Variants in MACROD2 observed in about 807,000 individuals in gnomAD.
MACROD2 encodes mono-ADP ribosylhydrolase 2.
Under a neutral mutation model 70.4 loss-of-function variants are expected in MACROD2, and 36 were observed. The ratio of observed to expected loss-of-function variants is 0.51; its 90% CI spans 0.39 to 0.68. The LOEUF is 0.68. Among genes scored for constraint, MACROD2 ranks in the 30% least tolerant of loss-of-function variants. The pLI is 0.00. For missense variants in MACROD2, 496 were observed against 538.4 expected, an observed-to-expected ratio of 0.92 and a Z score of 0.78; for synonymous variants, 172 against 178.8, an observed-to-expected ratio of 0.96 and a Z score of 0.30.
At chr20:14,910,052 A>G (rs1177996927) in intron 5 of MACROD2, among the ~76,000 whole-genome samples, 1 of 152,180 alleles carries the variant, frequency 6.6e-6, no homozygotes, top group Admixed American at 6.5e-5. Context: ...AGTCTCACTG[A>G]TCTCTTTTCT....
chr20:14,391,474 C>A (rs34021592), intron 3 of MACROD2, among the ~76,000 whole-genome samples: 32,621 of 151,732 alleles, frequency 0.21, 3,829 homozygotes, highest in African/African-American at 0.25. Flanking sequence ...TAATCAGAAG[C>A]TGGAAGGTAA....
intron 4 of MACROD2, among the ~76,000 whole-genome samples, chr20:14,604,585 G>T (rs910016755): frequency 2.6e-5 from 4 of 152,156 alleles, no homozygotes; most frequent in African/African-American, 9.7e-5. Flanking sequence ...AAAAACATCC[G>T]TGTGTCTAAA....
chr20:15,259,182 T>TAGCAAC (rs1555798165), intron 6 of MACROD2, among the ~76,000 whole-genome samples: 1 of 151,280 alleles, frequency 6.6e-6, no homozygotes. Context: ...GGTAATTTTT[T>TAGCAAC]AACAACAACA....
intron 10 of MACROD2, among the ~76,000 whole-genome samples, chr20:15,908,529 G>A (rs973839136): frequency 6.6e-6 from 1 of 152,102 alleles, no homozygotes; most frequent in Non-Finnish European, 1.5e-5. Flanking sequence ...GCTTCCTGCT[G>A]GGACCATGAC....
intron 3 of MACROD2, among the ~76,000 whole-genome samples, chr20:14,221,009 G>C (rs1339707149): frequency 6.6e-6 from 1 of 152,160 alleles, no homozygotes; most frequent in Non-Finnish European, 1.5e-5. Flanking sequence ...TCTGTCCAGA[G>C]CTGCAATCTA....
chr20:14,572,819 A>G (rs1053827789), intron 4 of MACROD2, among the ~76,000 whole-genome samples: 2 of 151,628 alleles, frequency 1.3e-5, no homozygotes, highest in Non-Finnish European at 2.9e-5. Flanking sequence ...TGTACTTATG[A>G]TCAGTGCTAA....
At chr20:14,662,884 A>G (rs1314131197) in intron 4 of MACROD2, among the ~76,000 whole-genome samples, 2 of 151,986 alleles carry the variant, frequency 1.3e-5, no homozygotes, top group Admixed American at 6.6e-5. Context: ...GAGAGTGTAG[A>G]TAGTGTAGAT....
intron 5 of MACROD2, among the ~76,000 whole-genome samples, chr20:15,048,846 A>G (rs191830943): frequency 1.3e-5 from 2 of 152,284 alleles, no homozygotes; most frequent in Admixed American, 6.5e-5. Flanking sequence ...AAAATTTCTT[A>G]TGAATAATCA....
rs78392108 is a variant in MACROD2 at position 15,405,147 on chromosome 20, C to T, written c.541-26258C>T. On this transcript the variant is annotated intron_variant, in intron 6 of 17. Coordinates refer to ENST00000684519, the MANE Select transcript of MACROD2 (RefSeq NM_001351661.2). ...GATAAGGGCAGGGGGTAATGAGGAG[C>T]GACTGCTAATGGGTATGGGGTTTCT... Among the ~76,000 whole-genome samples the T allele has an allele frequency of 1.2e-3, 178 of 151,362 alleles. 1 individual carries two copies. The highest frequency in any genetic ancestry group is 4.2e-3 in the African/African-American group (172 of 41,198).
chr20:15,141,072 C>T (rs1401794123), intron 5 of MACROD2, among the ~76,000 whole-genome samples: 3 of 151,998 alleles, frequency 2.0e-5, no homozygotes, highest in African/African-American at 7.3e-5. Flanking sequence ...TATATATCTG[C>T]ATATAGAATT....
At chr20:15,015,002 A>G (rs1348200041) in intron 5 of MACROD2, among the ~76,000 whole-genome samples, 3 of 152,230 alleles carry the variant, frequency 2.0e-5, no homozygotes, top group Non-Finnish European at 2.9e-5. Flanking sequence ...TTTAAGTCCT[A>G]CTACATAGGA....
chr20:14,202,875 C>T (rs1427996052), intron 3 of MACROD2, among the ~76,000 whole-genome samples: 1 of 152,006 alleles, frequency 6.6e-6, no homozygotes, highest in African/African-American at 2.4e-5. Context: ...ATAGTGAAAC[C>T]CCGTCTCTAT....
intron 8 of MACROD2, among the ~76,000 whole-genome samples, chr20:15,727,201 G>C (rs1338423922): frequency 6.6e-6 from 1 of 152,066 alleles, no homozygotes; most frequent in Non-Finnish European, 1.5e-5. Flanking sequence ...TGAATAAGGA[G>C]TCCTTTCCCC....
chr20:15,404,916 A>G (rs1167079012), intron 6 of MACROD2, among the ~76,000 whole-genome samples: 1 of 152,238 alleles, frequency 6.6e-6, no homozygotes, highest in Non-Finnish European at 1.5e-5. Flanking sequence ...CTATCAGCAA[A>G]ATGTAGTATA....
intron 10 of MACROD2, among the ~76,000 whole-genome samples, chr20:15,886,764 A>G (rs1216705593): frequency 5.9e-5 from 9 of 152,094 alleles, no homozygotes; most frequent in Non-Finnish European, 8.8e-5. Context: ...ACCTTAGGCA[A>G]ATGTCATTTT....
chr20:14,463,786 G>A (rs186793706), intron 3 of MACROD2, among the ~76,000 whole-genome samples: 1 of 152,166 alleles, frequency 6.6e-6, no homozygotes, highest in African/African-American at 2.4e-5. Flanking sequence ...CATCTATTGA[G>A]ATAATCATGT....
intron 3 of MACROD2, among the ~76,000 whole-genome samples, chr20:14,207,017 G>C (rs925740265): frequency 6.6e-6 from 1 of 152,092 alleles, no homozygotes; most frequent in Admixed American, 6.5e-5. Context: ...AATATGCTGA[G>C]TTATTTTGTA....
intron 6 of MACROD2, among the ~76,000 whole-genome samples, chr20:15,358,889 G>GA (rs1223131881): frequency 6.6e-6 from 1 of 151,466 alleles, no homozygotes; most frequent in Non-Finnish European, 1.5e-5. Context: ...ATTACCTCCC[G>GA]AAGGCCCCAC....
chr20:15,095,064 CTTTTTT>C (rs373794823), intron 5 of MACROD2, among the ~76,000 whole-genome samples: 3 of 89,294 alleles, frequency 3.4e-5, no homozygotes, highest in African/African-American at 7.6e-5. Context: ...GTCTCCTCTT[CTTTTTT>C]TTTTTTTTTT....
Sources: gnomAD v4.1 joint callset for allele counts (sites outside exome capture counted in the v4.1 genomes callset) on GRCh38, gnomAD v4.1.1 for gene constraint, MANE v1.5 for transcripts, NCBI Gene and HGNC (gene_info 2026-07-23, HGNC 2026-07-21) for gene names.